PSD3: variants seen among roughly 807,000 people sequenced by gnomAD.
PSD3 encodes pleckstrin and Sec7 domain containing 3.
PSD3 carries 49 observed loss-of-function variants against 105.5 expected under a neutral mutation model. The observed-to-expected ratio is 0.46, with a 90% CI of 0.37 to 0.59. PSD3 has a LOEUF of 0.59. PSD3 is among the 20% of genes least tolerant of loss of function. The pLI, the probability that PSD3 is intolerant of heterozygous loss-of-function variation, is 0.00. For synonymous variants in PSD3, 557 were observed against 457.8 expected (o/e 1.22, Z -2.77); for missense variants, 1,561 against 1,263.8 (o/e 1.24, Z -3.57).
intron 8 of PSD3, among the ~76,000 whole-genome samples, chr8:18,784,692 T>C (rs979246846): frequency 5.3e-5 from 8 of 152,130 alleles, no homozygotes; most frequent in African/African-American, 1.9e-4. Context: ...GCAAAGGATA[T>C]AGATAAACAG....
chr8:18,754,452 A>G (rs992789528), intron 9 of PSD3, among the ~76,000 whole-genome samples: 1 of 152,134 alleles, frequency 6.6e-6, no homozygotes, highest in African/African-American at 2.4e-5. Context: ...GTTCTATTAA[A>G]TTCATCTTAT....
chr8:18,618,181 A>AGCCGTATTTGATTGCTCTCACCTTAAGGT (rs780571336), intron 11 of PSD3, among the ~76,000 whole-genome samples: 1 of 151,832 alleles, frequency 6.6e-6, no homozygotes, highest in Non-Finnish European at 1.5e-5. Context: ...GCAATTGACA[A>AGCCGTATTTGATTGCTCTCACCTTAAGGT]TCAGGAAATC....
intron 9 of PSD3, among the ~76,000 whole-genome samples, chr8:18,754,683 T>A (rs1468489020): frequency 6.6e-6 from 1 of 152,158 alleles, no homozygotes; most frequent in African/African-American, 2.4e-5. Context: ...GGTCAGTTAT[T>A]AATACATGGA....
chr8:18,865,933 C>A (rs568469883), intron 4 of PSD3, among the ~76,000 whole-genome samples: 5 of 152,282 alleles, frequency 3.3e-5, no homozygotes, highest in South Asian at 4.2e-4. Flanking sequence ...ATGATGACAA[C>A]CTCCTGTTCT....
At chr8:18,922,657 C>A (rs1253996917) in intron 2 of PSD3, among the ~76,000 whole-genome samples, 24 of 152,276 alleles carry the variant, frequency 1.6e-4, no homozygotes, top group African/African-American at 5.3e-4. Context: ...AAGACTGCCC[C>A]TTCCCTTCAG....
chr8:18,923,355 G>A (rs946672367), intron 2 of PSD3, among the ~76,000 whole-genome samples: 6 of 152,164 alleles, frequency 3.9e-5, no homozygotes, highest in Non-Finnish European at 7.3e-5. Flanking sequence ...AGGGTTGCCA[G>A]GCATCAGTTA....
Position 18,529,321 on chromosome 8 carries a change from G to C in PSD3, c.*6422C>G, listed in dbSNP as rs1414602155. 1 of 152,208 alleles carries C rather than the reference G, an allele frequency of 6.6e-6. No homozygotes were observed. Among genetic ancestry groups the C allele is most frequent in the Admixed American group, 6.5e-5 (1 of 15,286 alleles). 9.4% of individuals were successfully genotyped at this position (152,208 alleles called of 1,614,324 possible). On this transcript the variant is annotated 3_prime_UTR_variant, in exon 16 of 16. Coordinates refer to ENST00000327040, the MANE Select transcript of PSD3 (RefSeq NM_015310.4). ...GCCCTTGGAAAACATCTGTGATGCA[G>C]TTTCCACCCCCTCTGTTCATCACCT...
At chr8:18,790,072 G>A (rs1809555919) in intron 8 of PSD3, among the ~76,000 whole-genome samples, 1 of 152,086 alleles carries the variant, frequency 6.6e-6, no homozygotes, top group African/African-American at 2.4e-5. Context: ...AGGCTAGAGG[G>A]TGGGGAAAGG....
intron 8 of PSD3, among the ~76,000 whole-genome samples, chr8:18,768,485 C>T (rs571382236): frequency 6.6e-6 from 1 of 151,936 alleles, no homozygotes; most frequent in South Asian, 2.1e-4. Flanking sequence ...GCAGTCCCAG[C>T]TACTCTGGAG....
chr8:18,974,235 A>G (rs1339337788), intron 1 of PSD3, among the ~76,000 whole-genome samples: 2 of 150,142 alleles, frequency 1.3e-5, no homozygotes, highest in African/African-American at 2.5e-5. Context: ...AAAAAGGCTC[A>G]AAAAGCCTTC....
chr8:18,886,230 A>G (rs1176658187), intron 2 of PSD3, among the ~76,000 whole-genome samples: 1 of 152,188 alleles, frequency 6.6e-6, no homozygotes, highest in East Asian at 1.9e-4. Context: ...TACAGGTAAG[A>G]ATAATATTTT....
chr8:18,749,394 ATT>A lies in PSD3; in HGVS notation c.2172+16053_2172+16054del, dbSNP rs374766894. ...TCCAGATGCTGCCCAGTTGAAAGTC[ATT>A]TCTCTTTATTCTGAAATCCCACAGT... is the stretch of plus-strand genomic sequence containing the variant. On this transcript the variant is annotated intron_variant, in intron 9 of 15. Transcript: ENST00000327040. 2.7e-3 allele frequency among the ~76,000 whole-genome samples: 410 copies of A among 152,282 alleles called. 1 individual carries two copies. The highest frequency in any genetic ancestry group is 9.6e-3 in the African/African-American group (397 of 41,562).
intron 8 of PSD3, among the ~76,000 whole-genome samples, chr8:18,767,027 T>C (rs897605584): frequency 1.3e-5 from 2 of 152,142 alleles, no homozygotes; most frequent in Non-Finnish European, 2.9e-5. Context: ...TCACTGTATA[T>C]AGAAATAATC....
chr8:18,610,128 G>C (rs140152182), intron 11 of PSD3, among the ~76,000 whole-genome samples: 2 of 152,124 alleles, frequency 1.3e-5, no homozygotes, highest in East Asian at 3.8e-4. Context: ...TTTTATAAAA[G>C]GATGCTTTGT....
chr8:18,660,717 A>T (rs984033640), intron 9 of PSD3, among the ~76,000 whole-genome samples: 1 of 152,220 alleles, frequency 6.6e-6, no homozygotes, highest in African/African-American at 2.4e-5. Flanking sequence ...CTCCACATGT[A>T]ACTCTGATTG....
chr8:18,970,191 G>T (rs1586552238), intron 1 of PSD3, among the ~76,000 whole-genome samples: 1 of 151,314 alleles, frequency 6.6e-6, no homozygotes, highest in Non-Finnish European at 1.5e-5. Context: ...CGGGCGTGGT[G>T]GCGGGCACCT....
chr8:18,903,933 G>A (rs1341558773), intron 2 of PSD3, among the ~76,000 whole-genome samples: 1 of 152,142 alleles, frequency 6.6e-6, no homozygotes, highest in Non-Finnish European at 1.5e-5. Flanking sequence ...AAGAAGGCGG[G>A]GAGAGGGGTA....
intron 9 of PSD3, among the ~76,000 whole-genome samples, chr8:18,680,983 T>A (rs999719115): frequency 1.8e-5 from 2 of 108,988 alleles, no homozygotes; most frequent in Admixed American, 1.0e-4. Flanking sequence ...TAATTAATAT[T>A]TGAATAAACC....
At chr8:18,691,495 A>C (rs888347302) in intron 9 of PSD3, among the ~76,000 whole-genome samples, 2 of 152,166 alleles carry the variant, frequency 1.3e-5, no homozygotes, top group African/African-American at 4.8e-5. Context: ...TACCCTATAT[A>C]CCTGAGGCAT....
Sources: allele counts gnomAD v4.1 joint callset (sites outside exome capture counted in the v4.1 genomes callset), GRCh38; gene constraint gnomAD v4.1.1; transcripts MANE v1.5; gene names NCBI Gene and HGNC (gene_info 2026-07-23, HGNC 2026-07-21).